The following ADAMTS9 variants were observed in gnomAD, a reference collection of about 807,000 sequenced individuals.
The protein encoded by ADAMTS9 is A disintegrin and metalloproteinase with thrombospondin motifs 9.
Under a neutral mutation model 257.1 loss-of-function variants are expected in ADAMTS9, and 107 were observed. That is an observed-to-expected ratio of 0.42 (90% CI 0.36 to 0.49). ADAMTS9 has a LOEUF of 0.49. Ranked by LOEUF, ADAMTS9 falls within the 20% of genes least tolerant of loss-of-function variation. The pLI, the probability that ADAMTS9 is intolerant of heterozygous loss-of-function variation, is 0.03. For synonymous variants in ADAMTS9, 982 were observed against 880.9 expected, an observed-to-expected ratio of 1.11 and a Z score of -2.03; for missense variants, 2,353 against 2,469.1, an observed-to-expected ratio of 0.95 and a Z score of 1.00.
intron 3 of ADAMTS9, among the ~76,000 whole-genome samples, chr3:64,676,481 T>C (rs1041516780): frequency 6.6e-6 from 1 of 152,078 alleles, no homozygotes; most frequent in African/African-American, 2.4e-5. Context: ...TTACTTCAGA[T>C]ATTCTGTTTA....
At chr3:64,606,665 A>T (rs921857994) in intron 23 of ADAMTS9, among the ~76,000 whole-genome samples, 3 of 152,204 alleles carry the variant, frequency 2.0e-5, no homozygotes, top group African/African-American at 7.2e-5. Flanking sequence ...TGAATACTAC[A>T]TTGAAATCAT....
chr3:64,633,452 A>C lies in ADAMTS9; in HGVS notation c.2175+20T>G, dbSNP rs1235176405. 6.2e-7 allele frequency: 1 copy of C among 1,613,230 alleles called. No individual in the cohort carries two copies. The highest frequency in any genetic ancestry group is 2.2e-5 in the East Asian group (1 of 44,866). ...TGGCAGCGGGAAAACACAGTGAAGA[A>C]AACACCATCAAGGACTTACCCGGCA... On this transcript the variant is annotated intron_variant, in intron 14 of 39. Transcript: ENST00000498707.
chr3:64,593,969 G>A (rs963327353), intron 28 of ADAMTS9, among the ~76,000 whole-genome samples: 3 of 132,942 alleles, frequency 2.3e-5, no homozygotes, highest in African/African-American at 1.0e-4. Context: ...TGATGTGTGT[G>A]TGTGTGTGTG....
intron 38 of ADAMTS9, among the ~76,000 whole-genome samples, chr3:64,531,304 G>T (rs1374245504): frequency 6.6e-6 from 1 of 152,112 alleles, no homozygotes; most frequent in African/African-American, 2.4e-5. Context: ...GTCTTATTTT[G>T]ATTAGGTAGA....
chr3:64,601,834 G>A (rs2084467259), intron 26 of ADAMTS9, 110 bp downstream of exon 26: 16 of 1,316,410 alleles, frequency 1.2e-5, no homozygotes, highest in Non-Finnish European at 1.6e-5. Flanking sequence ...AATGCACAAT[G>A]TCAATCCCTT....
intron 26 of ADAMTS9, among the ~76,000 whole-genome samples, chr3:64,599,238 T>G (rs960061708): frequency 6.6e-6 from 1 of 152,212 alleles, no homozygotes; most frequent in Non-Finnish European, 1.5e-5. Flanking sequence ...AATTTTGCCA[T>G]TATTTGATTA....
rs565995383 is a variant in ADAMTS9, at chr3:64,653,551, T to A, written c.1316+802A>T. Among the ~76,000 whole-genome samples, 5 of 152,324 alleles carry A rather than the reference T, an allele frequency of 3.3e-5. No homozygotes were observed. The South Asian group carries it at 1.0e-3, about 32-fold the overall frequency. ...ACATAGGGGACCTTAAATGTATGAA[T>A]GAAAATCTTGTTTAATAAATGATGT... On this transcript the variant is annotated intron_variant, in intron 8 of 39. Coordinates refer to ENST00000498707, the MANE Select transcript of ADAMTS9 (RefSeq NM_182920.2).
At chr3:64,526,265 G>A (rs78775299) in intron 38 of ADAMTS9, among the ~76,000 whole-genome samples, 6,675 of 151,760 alleles carry the variant, frequency 0.044, 496 homozygotes, top group African/African-American at 0.15. Context: ...TTGTATACAC[G>A]AATCAAAATA....
At chr3:64,651,634 T>C (rs1279163553) in intron 8 of ADAMTS9, among the ~76,000 whole-genome samples, 2 of 152,322 alleles carry the variant, frequency 1.3e-5, no homozygotes, top group East Asian at 3.9e-4. Flanking sequence ...GGTCTTGGCA[T>C]CTTCCCCTTT....
At chr3:64,555,153 C>T (rs1269591464) in intron 30 of ADAMTS9, among the ~76,000 whole-genome samples, 1 of 152,074 alleles carries the variant, frequency 6.6e-6, no homozygotes, top group African/African-American at 2.4e-5. Flanking sequence ...CACAGGGTTC[C>T]TGGGTTTTTA....
rs546666870 is a variant in ADAMTS9 at position 64,597,051 on chromosome 3, G to A, written c.4018-60C>T. 2.1e-5 allele frequency: 33 copies of A among 1,596,992 alleles called. No individual in the cohort carries two copies. In the African/African-American group the frequency reaches 4.3e-4, roughly 21 times the overall value. ...CAATCTCCATCTTAGGGACACAGAA[G>A]CAGCTGGTTGAAAGGTTAAGACAAA... On this transcript the variant is annotated intron_variant, in intron 26 of 39. Transcript: ENST00000498707.
intron 30 of ADAMTS9, among the ~76,000 whole-genome samples, chr3:64,551,543 C>G (rs1245278071): frequency 6.6e-6 from 1 of 152,148 alleles, no homozygotes; most frequent in African/African-American, 2.4e-5. Context: ...TACCTAACAA[C>G]TCTGTTCCTG....
At chr3:64,622,772 C>T (rs1700140178) in intron 16 of ADAMTS9, among the ~76,000 whole-genome samples, 186 bp from the exon 17 acceptor site, 1 of 152,294 alleles carries the variant, frequency 6.6e-6, no homozygotes, top group Non-Finnish European at 1.5e-5. Context: ...AATCATTTTC[C>T]ATCCATCTCC....
At chr3:64,561,557 C>T in intron 30 of ADAMTS9, 21 bp downstream of exon 30, 1 of 1,605,054 alleles carries the variant, frequency 6.2e-7, no homozygotes, top group Non-Finnish European at 8.5e-7. Flanking sequence ...CTGGCAGGTA[C>T]CCCTTTGTGG....
chr3:64,652,410 G>C (rs994392648), intron 8 of ADAMTS9, among the ~76,000 whole-genome samples: 1 of 152,098 alleles, frequency 6.6e-6, no homozygotes, highest in Non-Finnish European at 1.5e-5. Context: ...TTTCTTAAAA[G>C]AACGAATGCC....
At chr3:64,539,703 G>A (rs1179537437) in intron 36 of ADAMTS9, among the ~76,000 whole-genome samples, 1 of 152,216 alleles carries the variant, frequency 6.6e-6, no homozygotes, top group African/African-American at 2.4e-5. Flanking sequence ...AAGCCAGGAA[G>A]AGAGCATTTC....
chr3:64,536,218 T>C (rs755283419), intron 37 of ADAMTS9, among the ~76,000 whole-genome samples: 33 of 152,182 alleles, frequency 2.2e-4, no homozygotes, highest in Non-Finnish European at 3.7e-4. Flanking sequence ...CCCTTTCCAG[T>C]TTAGGGATCT....
intron 16 of ADAMTS9, among the ~76,000 whole-genome samples, chr3:64,625,996 C>T (rs1302000073): frequency 6.6e-6 from 1 of 152,184 alleles, no homozygotes; most frequent in Admixed American, 6.5e-5. Context: ...CGTCTGAAGT[C>T]TGACCCATAA....
At chr3:64,527,615 G>A (rs573257159) in intron 38 of ADAMTS9, among the ~76,000 whole-genome samples, 9 of 152,120 alleles carry the variant, frequency 5.9e-5, no homozygotes, top group African/African-American at 9.6e-5. Context: ...GAAATTTATC[G>A]TTGAATGTCC....
Sources: gnomAD v4.1 joint callset for allele counts (sites outside exome capture counted in the v4.1 genomes callset) on GRCh38, gnomAD v4.1.1 for gene constraint, MANE v1.5 for transcripts, NCBI Gene and HGNC (gene_info 2026-07-23, HGNC 2026-07-21) for gene names.